FREM2: variants seen among roughly 807,000 people sequenced by gnomAD.
FREM2 encodes the protein FRAS1-related extracellular matrix protein 2.
Under a neutral mutation model 219.9 loss-of-function variants are expected in FREM2, and 119 were observed. That is an observed-to-expected ratio of 0.54 (90% confidence interval 0.47 to 0.63). The LOEUF is 0.63. Among genes scored for constraint, FREM2 ranks in the 30% least tolerant of loss-of-function variants. FREM2 has a pLI of 0.00. For missense variants in FREM2, 4,030 were observed against 3,993.6 expected (o/e 1.01, Z -0.25); for synonymous variants, 1,562 against 1,522.8 (o/e 1.03, Z -0.60).
intron 2 of FREM2, among the ~76,000 whole-genome samples, chr13:38,732,280 C>T (rs145495205): frequency 7.0e-4 from 106 of 152,298 alleles, no homozygotes; most frequent in African/African-American, 2.4e-3. Context: ...CAGAACGTGT[C>T]AATTCAGGTT....
intron 4 of FREM2, among the ~76,000 whole-genome samples, chr13:38,776,316 A>G (rs1379693906): frequency 6.6e-6 from 1 of 151,956 alleles, no homozygotes; most frequent in African/African-American, 2.4e-5. Flanking sequence ...CATGTACTCT[A>G]TTTTCTTTTC....
rs944961259 is a variant in FREM2 at position 38,786,732 on chromosome 13, A to G, written c.6019+1924A>G. On this transcript the variant is annotated intron_variant, in intron 6 of 23. Coordinates refer to ENST00000280481, the MANE Select transcript of FREM2 (RefSeq NM_207361.6). ...GATTGCTATGGGATGCACATGCAGA[A>G]AAAAACATAAAAGTACAGAAAAAAA... is the stretch of plus-strand genomic sequence containing the variant. Among the ~76,000 whole-genome samples the G allele has an allele frequency of 5.3e-5, 8 of 152,212 alleles. No homozygotes were observed. In the South Asian group the frequency reaches 1.7e-3, roughly 32 times the overall value.
chr13:38,705,981 C>T (rs1032715608), intron 2 of FREM2, among the ~76,000 whole-genome samples: 18 of 152,108 alleles, frequency 1.2e-4, no homozygotes, highest in Admixed American at 3.9e-4. Flanking sequence ...TTCAATGCTA[C>T]GGAGGCTTCC....
At chr13:38,798,066 A>G (rs1874862598) in intron 6 of FREM2, among the ~76,000 whole-genome samples, 1 of 152,082 alleles carries the variant, frequency 6.6e-6, no homozygotes, top group African/African-American at 2.4e-5. Context: ...CTTAGAGGAA[A>G]GGCTTTCAGC....
At chr13:38,845,205 AAAGGT>A in intron 6 of FREM2, among the ~76,000 whole-genome samples, 1 of 152,296 alleles carries the variant, frequency 6.6e-6, no homozygotes, top group Non-Finnish European at 1.5e-5. Context: ...CAGTTTAAAT[AAAGGT>A]AATTTATTTG....
In FREM2 at chr13:38,884,685, C is replaced by G. The variant is rs1393058591; in HGVS notation, c.*3898C>G. The stretch of plus-strand genomic sequence containing the variant: ...CTAAGCGTATGGCCAATAAATGGGA[C>G]CCAAACGTTCAATCTGTTCAGTTTA... On this transcript the variant is annotated 3_prime_UTR_variant, in exon 24 of 24. Transcript: ENST00000280481. 1 of 152,048 alleles carries G rather than the reference C, an allele frequency of 6.6e-6. No individual in the cohort carries two copies. Among genetic ancestry groups the G allele is most frequent in the Non-Finnish European group, 1.5e-5 (1 of 68,006 alleles). 9.4% of individuals were successfully genotyped at this position (152,048 alleles called of 1,614,324 possible). A position where few individuals can be genotyped will look rare whatever the true frequency, so the allele number is the denominator to read the frequency against.
At chr13:38,808,163 A>G (rs9576620) in intron 6 of FREM2, among the ~76,000 whole-genome samples, 24,245 of 151,762 alleles carry the variant, frequency 0.16, 2,353 homozygotes, top group East Asian at 0.31. Context: ...TTAGCTCCCA[A>G]CTTTTCTTCT....
chr13:38,783,126 C>A lies in FREM2; in HGVS notation c.5698C>A (p.Leu1900Met). 6.2e-7 allele frequency: 1 copy of A among 1,613,866 alleles called. No homozygotes were observed. Among genetic ancestry groups the A allele is most frequent in the Non-Finnish European group, 8.5e-7 (1 of 1,179,818 alleles). ...KYSVEEDVGELFIPIRRSGDV... is the reference protein window; with the variant it reads ...KYSVEEDVGEMFIPIRRSGDV... ...CTCCGTTGAAGAAGATGTTGGTGAG[C>A]TGTTCATTCCCATCAGGAGGAGCGG... Residue 1900 changes from leucine to methionine, a missense_variant, in exon 5 of 24, where the codon CTG becomes ATG. Leu to Met is a conservative substitution (Grantham distance 15, BLOSUM62 2). This residue lies in a region of FREM2 where 3,102 missense variants were observed against 2,950.7 expected (regional missense o/e 1.05). Transcript: ENST00000280481.
In FREM2 at chr13:38,753,756, T is replaced by G. The variant is rs1427083669; in HGVS notation, c.5264-10548T>G. ...CTCTGTAGGTGTACACCTGAATTCC[T>G]TATCCTAGGCATGCATACCAGCAGT... On this transcript the variant is annotated intron_variant, in intron 2 of 23. Coordinates refer to ENST00000280481, the MANE Select transcript of FREM2 (RefSeq NM_207361.6). Among the ~76,000 whole-genome samples the G allele has an allele frequency of 5.3e-5, 8 of 152,188 alleles. 1 individual carries two copies. Among genetic ancestry groups the G allele is most frequent in the Non-Finnish European group, 2.9e-5 (2 of 68,034 alleles).
Position 38,859,344 on chromosome 13 carries a change from A to G in FREM2, c.7273A>G (p.Asn2425Asp), listed in dbSNP as rs1208154588. Residue 2425 changes from asparagine (N) to aspartate (D), a missense_variant, in exon 14 of 24, where the codon AAC becomes GAC. Asn to Asp is a conservative substitution (Grantham distance 23). Around this residue, in one of 2 missense-constraint regions of FREM2, gnomAD observed 928 missense variants for 1,042.9 expected, o/e 0.89. Coordinates refer to ENST00000280481, the MANE Select transcript of FREM2 (RefSeq NM_207361.6). ...DKTGSICASE[N>D]INDTLTRYRW... ...AACAGGCTCTATCTGTGCAAGTGAG[A>G]ACATCAATGACACTTTGACGCGGTA... is the stretch of plus-strand genomic sequence containing the variant. 2 of 1,614,220 alleles carry G rather than the reference A, an allele frequency of 1.2e-6. No individual in the cohort carries two copies.
At chr13:38,718,796 A>G (rs1871110226) in intron 2 of FREM2, among the ~76,000 whole-genome samples, 1 of 152,232 alleles carries the variant, frequency 6.6e-6, no homozygotes. Flanking sequence ...GTGGGCCAGC[A>G]AACAGAGGGC....
intron 4 of FREM2, among the ~76,000 whole-genome samples, chr13:38,775,312 A>T (rs562747990): frequency 6.6e-6 from 1 of 152,354 alleles, no homozygotes; most frequent in African/African-American, 2.4e-5. Context: ...AATTAATGAA[A>T]CGATAGTACG....
chr13:38,877,311 G>A (rs1593459731), intron 21 of FREM2, 68 bp downstream of exon 21: 1 of 1,570,690 alleles, frequency 6.4e-7, no homozygotes, highest in Non-Finnish European at 8.8e-7. Flanking sequence ...GCTTTTTGGG[G>A]ATTGTGTTTG....
chr13:38,872,856 C>T lies in FREM2; in HGVS notation c.8098C>T (p.Leu2700Phe). Residue 2700 changes from leucine (L) to phenylalanine (F), a missense_variant, in exon 17 of 24, where the codon CTT becomes TTT. Coordinates refer to ENST00000280481, the MANE Select transcript of FREM2 (RefSeq NM_207361.6). Reference sequence around the variant, plus strand: ...GCAGCATTTTGACTTGAAGTCAGAGCTTCGTCTAACTTTTGTGTACGACAC... The same window carrying T: ...GCAGCATTTTGACTTGAAGTCAGAGTTTCGTCTAACTTTTGTGTACGACAC... ...GWQHFDLKSE[L>F]RLTFVYDTAI... The T allele has an allele frequency of 6.2e-7, 1 of 1,613,986 alleles. No individual in the cohort carries two copies. The highest frequency in any genetic ancestry group is 1.1e-5 in the South Asian group (1 of 91,074).
intron 2 of FREM2, among the ~76,000 whole-genome samples, chr13:38,726,678 T>A (rs768122445): frequency 1.3e-4 from 20 of 152,188 alleles, no homozygotes; most frequent in Admixed American, 2.6e-4. Context: ...TTCTTTTTTG[T>A]TGTTTCCTTC....
At position 38,849,999 on chromosome 13, in the gene FREM2, A is replaced by G. The variant is rs770083086; in HGVS notation, c.6380-39A>G. 3.2e-6 allele frequency: 5 copies of G among 1,548,018 alleles called. No homozygotes were observed. The South Asian group carries it at 3.3e-5, about 10-fold the overall frequency. The stretch of plus-strand genomic sequence containing the variant: ...CATCTTCTGAAATGCCATTTTCCAC[A>G]AGGAAATTTCTGTTCACTTTAATCC... On this transcript the variant is annotated intron_variant, in intron 8 of 23. Transcript: ENST00000280481.
rs1869692927 is a variant in FREM2, at chr13:38,689,387, T to A, written c.2043T>A (p.Pro681=). The A allele has an allele frequency of 6.2e-7, 1 of 1,614,092 alleles. No homozygotes were observed. The highest frequency in any genetic ancestry group is 1.3e-5 in the African/African-American group (1 of 75,022). The change falls in exon 1 of 24, where the codon CCT becomes CCA. Residue 681 remains proline (P), a synonymous_variant. Coordinates refer to ENST00000280481, the MANE Select transcript of FREM2 (RefSeq NM_207361.6). ...TFRVQDNHDP[P]NQSGLQRFVI... Reference sequence around the variant, plus strand: ...GAGTCCAGGATAACCATGACCCTCCTAATCAGTCCGGGCTACAGCGGTTTG... The same window carrying A: ...GAGTCCAGGATAACCATGACCCTCCAAATCAGTCCGGGCTACAGCGGTTTG...
chr13:38,880,625 A>G lies in FREM2; in HGVS notation c.9348A>G (p.Gly3116=). Residue 3116 remains glycine, a synonymous_variant, in exon 24 of 24, where the codon GGA becomes GGG. Coordinates refer to ENST00000280481, the MANE Select transcript of FREM2 (RefSeq NM_207361.6). ...CAGTCAGCCTGGTCACTGTGGTGGG[A>G]GGCACCACGGTAGGGTTACTCACCA... ...SSAVSLVTVV[G]GTTVGLLTIC... 6.2e-7 allele frequency: 1 copy of G among 1,613,738 alleles called. No individual in the cohort carries two copies. The highest frequency in any genetic ancestry group is 8.5e-7 in the Non-Finnish European group (1 of 1,179,672).
intron 17 of FREM2, among the ~76,000 whole-genome samples, chr13:38,873,995 A>G (rs1432968623): frequency 2.0e-5 from 3 of 152,088 alleles, no homozygotes; most frequent in Non-Finnish European, 2.9e-5. Context: ...GTGGTTCCCA[A>G]CCTCCACATA....
Sources: gnomAD v4.1 joint callset for allele counts (sites outside exome capture counted in the v4.1 genomes callset) on GRCh38, gnomAD v4.1.1 for gene constraint, gnomAD v4.1.1 regional missense constraint, MANE v1.5 for transcripts, NCBI Gene and HGNC (gene_info 2026-07-23, HGNC 2026-07-21) for gene names.